The following CPA6 variants were observed in gnomAD, a reference collection of about 807,000 sequenced individuals.
CPA6 encodes the protein carboxypeptidase B.
A neutral mutation model predicts 63.3 loss-of-function variants in CPA6; 58 were observed. The ratio of observed to expected loss-of-function variants is 0.92; its 90% CI spans 0.74 to 1.14. The LOEUF is 1.14. Among genes scored for constraint, CPA6 ranks in the 50% most tolerant of loss-of-function variants. The probability of loss-of-function intolerance (pLI) is 0.00; values close to 1 mark genes in which losing one functional copy is unlikely to be tolerated. For missense variants in CPA6, 565 were observed against 526.6 expected (o/e 1.07, Z -0.71); for synonymous variants, 185 against 179.0 (o/e 1.03, Z -0.27).
intron 2 of CPA6, among the ~76,000 whole-genome samples, chr8:67,519,712 TGA>T (rs149597283): frequency 2.4e-3 from 367 of 152,304 alleles, no homozygotes; most frequent in African/African-American, 8.4e-3. Flanking sequence ...GAAGGGATGC[TGA>T]GAGGTCATTC....
chr8:67,443,688 G>A (rs1361413450), intron 8 of CPA6, among the ~76,000 whole-genome samples: 1 of 152,072 alleles, frequency 6.6e-6, no homozygotes, highest in Non-Finnish European at 1.5e-5. Context: ...AACCATGAAG[G>A]ATTTTAACGC....
At chr8:67,430,490 C>A (rs151266744) in intron 9 of CPA6, among the ~76,000 whole-genome samples, 73 of 152,164 alleles carry the variant, frequency 4.8e-4, no homozygotes, top group African/African-American at 1.6e-3. Flanking sequence ...TTTAAAGCAA[C>A]TTAATGACTA....
intron 2 of CPA6, among the ~76,000 whole-genome samples, chr8:67,587,535 C>T (rs1268930476): frequency 6.6e-6 from 1 of 151,958 alleles, no homozygotes. Flanking sequence ...TGTGAGGGGG[C>T]CTTGAAATGT....
At chr8:67,680,105 T>G (rs772937274) in intron 1 of CPA6, among the ~76,000 whole-genome samples, 3 of 151,906 alleles carry the variant, frequency 2.0e-5, no homozygotes, top group Non-Finnish European at 4.4e-5. Context: ...AACAGAGGAG[T>G]AGATTAGAGG....
chr8:67,567,772 C>T (rs1432418576), intron 2 of CPA6, among the ~76,000 whole-genome samples: 1 of 152,190 alleles, frequency 6.6e-6, no homozygotes, highest in Admixed American at 6.5e-5. Context: ...AGGGTACTCC[C>T]CAGGGCTCAT....
At chr8:67,460,331 G>T (rs930344656) in intron 8 of CPA6, among the ~76,000 whole-genome samples, 1 of 152,098 alleles carries the variant, frequency 6.6e-6, no homozygotes, top group Non-Finnish European at 1.5e-5. Flanking sequence ...ACATTTTAAG[G>T]TCAGTTATTA....
At position 67,428,145 on chromosome 8, in the gene CPA6, T is replaced by TG; in HGVS notation, c.1042-15dup. 2 of 1,548,988 alleles carry TG rather than the reference T, an allele frequency of 1.3e-6. No individual in the cohort carries two copies. The highest frequency in any genetic ancestry group is 1.8e-6 in the Non-Finnish European group (2 of 1,122,052). ...AGCTGCAGATTCCTATGAGGGAAAA[T>TG]GGGGAAATTTTATATATTGTTGCAT... On this transcript the variant is annotated splice_polypyrimidine_tract_variant and intron_variant, in intron 9 of 10. Transcript: ENST00000297770.
intron 4 of CPA6, 106 bp from the exon 5 acceptor site, chr8:67,509,724 G>A (rs1243186234): frequency 3.6e-6 from 2 of 551,194 alleles, no homozygotes; most frequent in Non-Finnish European, 6.5e-6. Context: ...AATTCAAGGA[G>A]TGCACATGGA....
Position 67,422,656 on chromosome 8 carries a change from TGTA to T in CPA6, c.1159_1161del (p.Tyr387del), listed in dbSNP as rs747293205. On this transcript the variant is annotated inframe_deletion, in exon 11 of 11. Coordinates refer to ENST00000297770, the MANE Select transcript of CPA6 (RefSeq NM_020361.5). ...GCAAATGCATAAGGTATTCCATTTT[TGTA>T]GGCCCAATCCATTGAGCTACCAGAG... is the stretch of plus-strand genomic sequence containing the variant. 6.2e-7 allele frequency: 1 copy of T among 1,614,040 alleles called. No homozygotes were observed. Among genetic ancestry groups the T allele is most frequent in the South Asian group, 1.1e-5 (1 of 91,064 alleles).
intron 1 of CPA6, among the ~76,000 whole-genome samples, chr8:67,646,455 T>C (rs968490354): frequency 6.6e-6 from 1 of 152,122 alleles, no homozygotes; most frequent in African/African-American, 2.4e-5. Flanking sequence ...AAATACCCCA[T>C]TTTTGGTGGG....
intron 2 of CPA6, among the ~76,000 whole-genome samples, chr8:67,597,535 A>T (rs1278499013): frequency 1.3e-5 from 2 of 151,752 alleles, no homozygotes; most frequent in African/African-American, 2.4e-5. Context: ...TTTATTTTTC[A>T]GTTTATTTAT....
intron 1 of CPA6, among the ~76,000 whole-genome samples, chr8:67,706,975 TG>T (rs1372749805): frequency 1.3e-5 from 2 of 152,216 alleles, no homozygotes; most frequent in Non-Finnish European, 2.9e-5. Context: ...ATTTAGTATA[TG>T]TTATCAGTAA....
rs189253774 is a variant in CPA6, at chr8:67,711,101, T to C, written c.116+34913A>G. 1.4e-3 allele frequency among the ~76,000 whole-genome samples: 208 copies of C among 152,276 alleles called. 2 individuals carry two copies. The highest frequency in any genetic ancestry group is 1.2e-4 in the Non-Finnish European group (8 of 68,016). On this transcript the variant is annotated intron_variant, in intron 1 of 10. Coordinates refer to ENST00000297770, the MANE Select transcript of CPA6 (RefSeq NM_020361.5). ...TAGTCTTAGCTGACTGGAGCATGAG[T>C]AAGCAGACACCCAATTCTTTCTGCT... is the stretch of plus-strand genomic sequence containing the variant.
chr8:67,463,999 G>A (rs1810871587), intron 8 of CPA6, among the ~76,000 whole-genome samples: 1 of 152,042 alleles, frequency 6.6e-6, no homozygotes. Context: ...GTGTCTTTTG[G>A]GTAAAACCAT....
At chr8:67,649,489 A>G (rs561933725) in intron 1 of CPA6, among the ~76,000 whole-genome samples, 3 of 152,028 alleles carry the variant, frequency 2.0e-5, no homozygotes, top group Non-Finnish European at 4.4e-5. Flanking sequence ...GTACTATCTC[A>G]TTTGGTCCTC....
intron 1 of CPA6, among the ~76,000 whole-genome samples, chr8:67,644,383 G>C (rs971357959): frequency 1.9e-4 from 29 of 152,212 alleles, no homozygotes; most frequent in Non-Finnish European, 2.8e-4. Context: ...CTCCCAAAGT[G>C]CTGGGATTAC....
rs1236069936 is a variant in CPA6, at chr8:67,481,059, G to C, written c.838+2709C>G. Among the ~76,000 whole-genome samples the C allele has an allele frequency of 2.0e-5, 3 of 152,170 alleles. No homozygotes were observed. The East Asian group carries it at 5.8e-4, about 29-fold the overall frequency. On this transcript the variant is annotated intron_variant, in intron 8 of 10. Transcript: ENST00000297770. Reference sequence around the variant, plus strand: ...AGAGAATTCTATGTTTTGAATAGAAGTCTCTTAGTAGATATATGATTTGCA... The same window carrying C: ...AGAGAATTCTATGTTTTGAATAGAACTCTCTTAGTAGATATATGATTTGCA...
chr8:67,634,179 AATTATTATT>A (rs36123716), intron 1 of CPA6, among the ~76,000 whole-genome samples: 52,699 of 139,714 alleles, frequency 0.38, 10,265 homozygotes, highest in Admixed American at 0.44. Flanking sequence ...CACTGGATTT[AATTATTATT>A]ATTATTATTA....
At chr8:67,605,967 C>G (rs1473408533) in intron 2 of CPA6, among the ~76,000 whole-genome samples, 1 of 152,028 alleles carries the variant, frequency 6.6e-6, no homozygotes, top group Non-Finnish European at 1.5e-5. Flanking sequence ...CACTGGCTGT[C>G]TGTTATACAC....
Sources: gnomAD v4.1 joint callset for allele counts (sites outside exome capture counted in the v4.1 genomes callset) on GRCh38, gnomAD v4.1.1 for gene constraint, MANE v1.5 for transcripts, NCBI Gene and HGNC (gene_info 2026-07-23, HGNC 2026-07-21) for gene names.